RARB: variants seen among roughly 807,000 people sequenced by gnomAD.
RARB encodes the protein retinoic acid receptor beta, also known as HBV-activated protein.
RARB carries 17 observed loss-of-function variants against 51.9 expected under a neutral mutation model. The observed-to-expected ratio is 0.33, with a 90% confidence interval of 0.22 to 0.49. The LOEUF (loss-of-function observed/expected upper bound fraction) is 0.49. Ranked by LOEUF, RARB falls within the 20% of genes least tolerant of loss-of-function variation. The pLI is 0.99. For synonymous variants in RARB, 215 were observed against 195.4 expected, an observed-to-expected ratio of 1.10 and a Z score of -0.84; for missense variants, 369 against 550.8, an observed-to-expected ratio of 0.67 and a Z score of 3.30.
In RARB at chr3:25,400,327, T is replaced by C. The variant is rs58603378; in HGVS notation, c.179-60866T>C. On this transcript the variant is annotated intron_variant, in intron 5 of 11. Transcript: ENST00000383772. ...ATAATTATTATTATATGTATAGATT[T>C]GGAGGTTATAGCATAAGTATCAAAC... is the stretch of plus-strand genomic sequence containing the variant. Among the ~76,000 whole-genome samples, 1,343 of 152,290 alleles carry C rather than the reference T, an allele frequency of 8.8e-3. 20 individuals are homozygous for C. Among genetic ancestry groups the C allele is most frequent in the African/African-American group, 0.03 (1,266 of 41,554 alleles).
chr3:25,380,652 G>A (rs751885165), intron 5 of RARB, among the ~76,000 whole-genome samples: 9 of 152,122 alleles, frequency 5.9e-5, no homozygotes, highest in African/African-American at 1.7e-4. Flanking sequence ...ATCAAATGGC[G>A]TTTCCTGTAT....
At chr3:25,137,322 T>C (rs1484092312) in intron 4 of RARB, among the ~76,000 whole-genome samples, 3 of 152,096 alleles carry the variant, frequency 2.0e-5, no homozygotes, top group Non-Finnish European at 2.9e-5. Context: ...TTTTAAGATA[T>C]ATTTTCATTT....
intron 5 of RARB, among the ~76,000 whole-genome samples, chr3:25,346,338 C>T (rs1419724947): frequency 6.6e-6 from 1 of 152,026 alleles, no homozygotes; most frequent in Non-Finnish European, 1.5e-5. Flanking sequence ...TTTTAATAAC[C>T]TTTAGGGTTA....
At chr3:24,970,830 C>T (rs1308860203) in intron 2 of RARB, among the ~76,000 whole-genome samples, 2 of 152,000 alleles carry the variant, frequency 1.3e-5, no homozygotes, top group Admixed American at 6.6e-5. Context: ...ACTCTAAATT[C>T]CAAGTCATGA....
chr3:24,856,232 G>A (rs186380798), intron 1 of RARB, among the ~76,000 whole-genome samples: 59 of 152,170 alleles, frequency 3.9e-4, no homozygotes, highest in Admixed American at 1.5e-3. Flanking sequence ...TCCCCCAAAT[G>A]AGCCAGGTTT....
At chr3:25,357,987 A>T (rs1705804080) in intron 5 of RARB, among the ~76,000 whole-genome samples, 1 of 152,162 alleles carries the variant, frequency 6.6e-6, no homozygotes, top group African/African-American at 2.4e-5. Flanking sequence ...TCTTGGCTAT[A>T]CAGGCTCCTT....
intron 2 of RARB, among the ~76,000 whole-genome samples, chr3:24,895,291 TC>T (rs1209509135): frequency 2.0e-5 from 3 of 152,218 alleles, no homozygotes; most frequent in African/African-American, 7.2e-5. Context: ...ACAGCCAGGT[TC>T]CAGTTAGATT....
intron 5 of RARB, among the ~76,000 whole-genome samples, chr3:25,199,847 G>A (rs1031426190): frequency 1.3e-5 from 2 of 152,136 alleles, no homozygotes; most frequent in African/African-American, 2.4e-5. Context: ...GTCTATCATT[G>A]TTGGACATTC....
chr3:24,956,437 A>G (rs4340667), intron 2 of RARB, among the ~76,000 whole-genome samples: 27 of 152,228 alleles, frequency 1.8e-4, no homozygotes, highest in Admixed American at 1.2e-3. Context: ...CATATGAACA[A>G]TACTCATGTA....
intron 2 of RARB, among the ~76,000 whole-genome samples, chr3:24,861,433 G>A (rs937211236): frequency 1.3e-4 from 19 of 151,974 alleles, no homozygotes; most frequent in Non-Finnish European, 1.9e-4. Flanking sequence ...ATGTCTTAGT[G>A]TAAGAACACT....
intron 3 of RARB, among the ~76,000 whole-genome samples, chr3:25,563,819 G>A (rs1441686827): frequency 6.6e-6 from 1 of 152,168 alleles, no homozygotes; most frequent in Non-Finnish European, 1.5e-5. Flanking sequence ...TTAGCAAGGA[G>A]CTGAAGAGTC....
intron 3 of RARB, among the ~76,000 whole-genome samples, chr3:25,106,458 G>T (rs558896822): frequency 0.49 from 50,781 of 102,768 alleles, 13,633 homozygotes; most frequent in East Asian, 0.73. Context: ...TTTGTTTTTT[G>T]TTTTTTTTTG....
At chr3:24,878,142 T>C (rs1257522667) in intron 2 of RARB, among the ~76,000 whole-genome samples, 2 of 152,192 alleles carry the variant, frequency 1.3e-5, no homozygotes, top group East Asian at 1.9e-4. Flanking sequence ...GAATAGTCTT[T>C]TATCATAACT....
chr3:25,316,359 T>C (rs1704424771), intron 5 of RARB, among the ~76,000 whole-genome samples: 1 of 151,844 alleles, frequency 6.6e-6, no homozygotes, highest in African/African-American at 2.4e-5. Flanking sequence ...AAACACAAGA[T>C]AAAATAAATA....
intron 5 of RARB, among the ~76,000 whole-genome samples, chr3:25,262,451 A>G (rs1035851867): frequency 2.0e-5 from 3 of 152,242 alleles, no homozygotes; most frequent in Admixed American, 1.3e-4. Context: ...GAAATCTAAT[A>G]TGGATCTCAT....
Position 25,568,136 on chromosome 3 carries a change from G to A in RARB, c.449-1622G>A, listed in dbSNP as rs369050856. Among the ~76,000 whole-genome samples, 8 of 152,176 alleles carry A rather than the reference G, an allele frequency of 5.3e-5. No individual in the cohort carries two copies. The East Asian group carries it at 1.2e-3, about 22-fold the overall frequency. ...TGCACTTCCCACTCATTTCACCAGTGATCTAGAAATTTTCTGAGCCAATGA... is the reference window on the plus strand; with the variant it reads ...TGCACTTCCCACTCATTTCACCAGTAATCTAGAAATTTTCTGAGCCAATGA... On this transcript the variant is annotated intron_variant, in intron 3 of 7. Coordinates refer to ENST00000330688, the MANE Select transcript of RARB (RefSeq NM_000965.5).
At chr3:24,871,006 C>T (rs1418316894) in intron 2 of RARB, among the ~76,000 whole-genome samples, 1 of 151,928 alleles carries the variant, frequency 6.6e-6, no homozygotes, top group Non-Finnish European at 1.5e-5. Context: ...TTTTGAACCT[C>T]CTCATTCCCT....
chr3:25,527,950 C>T (rs1021567432), intron 3 of RARB, among the ~76,000 whole-genome samples: 21 of 152,212 alleles, frequency 1.4e-4, no homozygotes, highest in African/African-American at 5.1e-4. Flanking sequence ...TGTTTTTGCT[C>T]CAGCAACAAG....
At chr3:25,491,509 C>G (rs543094608) in intron 2 of RARB, among the ~76,000 whole-genome samples, 3 of 152,260 alleles carry the variant, frequency 2.0e-5, no homozygotes, top group Admixed American at 1.3e-4. Flanking sequence ...CTATCCGAGA[C>G]TATCCAAGAC....
Sources: gnomAD v4.1 joint callset for allele counts (sites outside exome capture counted in the v4.1 genomes callset) on GRCh38, gnomAD v4.1.1 for gene constraint, MANE v1.5 for transcripts, NCBI Gene and HGNC (gene_info 2026-07-23, HGNC 2026-07-21) for gene names.